The following ZNG1A variants were observed in gnomAD, a reference collection of about 807,000 sequenced individuals.
ZNG1A encodes zinc-regulated GTPase metalloprotein activator 1A.
chr9:172,067 A>T, the ZNG1A span: 9 of 1,610,622 alleles, frequency 5.6e-6, no homozygotes, highest in Admixed American at 1.3e-4. Context: ...GTTATTAATA[A>T]TCTCACTTCT....
chr9:177,080 C>G, the ZNG1A span, among the ~76,000 whole-genome samples: 2 of 152,160 alleles, frequency 1.3e-5, no homozygotes, highest in Non-Finnish European at 2.9e-5. Context: ...AGAGGGACAT[C>G]TAGCCAGAGG....
At chr9:155,870 C>T in the ZNG1A span, among the ~76,000 whole-genome samples, 2 of 149,172 alleles carry the variant, frequency 1.3e-5, no homozygotes, top group Non-Finnish European at 3.0e-5. Flanking sequence ...TTTGGGAGGC[C>T]GAGGCGGGTG....
chr9:145,604 C>T, the ZNG1A span, among the ~76,000 whole-genome samples: 10 of 149,318 alleles, frequency 6.7e-5, no homozygotes, highest in African/African-American at 9.9e-5. Context: ...TGCTAGATGA[C>T]GAGTCAGTGG....
the ZNG1A span, among the ~76,000 whole-genome samples, chr9:139,437 G>C: frequency 7.3e-5 from 11 of 149,690 alleles, no homozygotes; most frequent in African/African-American, 2.8e-4. Flanking sequence ...CCAGAGATCT[G>C]CTGCACATCC....
the ZNG1A span, among the ~76,000 whole-genome samples, chr9:141,474 T>C: frequency 6.7e-6 from 1 of 149,692 alleles, no homozygotes; most frequent in Non-Finnish European, 1.5e-5. Context: ...TAAAATACTT[T>C]ACAGACAAGC....
chr9:150,125 T>TTTTG, the ZNG1A span: 2 of 120,132 alleles, frequency 1.7e-5, no homozygotes, highest in African/African-American at 6.5e-5. Flanking sequence ...GGTTTTGTTT[T>TTTTG]TTTTTTTTTT....
the ZNG1A span, chr9:153,961 C>A: frequency 6.6e-6 from 1 of 152,154 alleles, no homozygotes; most frequent in Non-Finnish European, 1.5e-5. Flanking sequence ...TCAGGTCTTA[C>A]AAAATAATTC....
the ZNG1A span, among the ~76,000 whole-genome samples, chr9:156,135 AATT>A: frequency 1.4e-5 from 2 of 138,030 alleles, no homozygotes; most frequent in Non-Finnish European, 3.1e-5. Flanking sequence ...AAAAAATAAT[AATT>A]ATTATTATTA....
the ZNG1A span, chr9:177,615 T>C: frequency 1.1e-5 from 16 of 1,520,408 alleles, no homozygotes; most frequent in East Asian, 1.2e-4. Context: ...AAAGGGAAAA[T>C]GGTCAGGGAT....
At chr9:120,838 C>A in the ZNG1A span, among the ~76,000 whole-genome samples, 5 of 152,202 alleles carry the variant, frequency 3.3e-5, no homozygotes, top group African/African-American at 1.2e-4. Flanking sequence ...GGACAACTGT[C>A]CTTTGCAGAA....
the ZNG1A span, chr9:147,657 T>A: frequency 6.7e-6 from 1 of 149,018 alleles, no homozygotes; most frequent in Non-Finnish European, 1.5e-5. Context: ...AATTTCTGAG[T>A]ATCAGTTTAC....
the ZNG1A span, among the ~76,000 whole-genome samples, chr9:155,055 T>A: frequency 6.6e-6 from 1 of 151,858 alleles, no homozygotes; most frequent in East Asian, 1.9e-4. Flanking sequence ...AAGTATTTAC[T>A]AAGTTCTGTT....
At chr9:178,566 A>G in the ZNG1A span, among the ~76,000 whole-genome samples, 1 of 110,654 alleles carries the variant, frequency 9.0e-6, no homozygotes, top group African/African-American at 2.7e-5. Flanking sequence ...TCTTAGCGTC[A>G]AAGCCTTGCT....
At chr9:149,036 C>T in the ZNG1A span, 64 of 149,698 alleles carry the variant, frequency 4.3e-4, 2 homozygotes, top group African/African-American at 1.6e-3. Flanking sequence ...CAGTCTTGAA[C>T]TCTGGAAATA....
chr9:123,962 A>C, the ZNG1A span, among the ~76,000 whole-genome samples: 1 of 152,158 alleles, frequency 6.6e-6, no homozygotes. Context: ...CTCAAAACCA[A>C]AGTAAATCTG....
chr9:150,447 GGTAAGCTCAAGTT>G, the ZNG1A span: 2 of 980,294 alleles, frequency 2.0e-6, no homozygotes, highest in African/African-American at 3.6e-5. Flanking sequence ...TTTCTAAACT[GGTAAGCTCAAGTT>G]GCTATGCCTC....
the ZNG1A span, among the ~76,000 whole-genome samples, chr9:137,635 T>C: frequency 6.7e-6 from 1 of 149,940 alleles, no homozygotes; most frequent in Non-Finnish European, 1.5e-5. Flanking sequence ...GCTAGACTTC[T>C]GGTTATTTCA....
At chr9:172,416 C>G in the ZNG1A span, 3 of 394,564 alleles carry the variant, frequency 7.6e-6, no homozygotes, top group Non-Finnish European at 9.2e-6. Flanking sequence ...AAATTAAAAG[C>G]AGAGGAAACT....
chr9:157,677 C>T, the ZNG1A span, among the ~76,000 whole-genome samples: 1 of 134,158 alleles, frequency 7.5e-6, no homozygotes, highest in African/African-American at 3.0e-5. Context: ...AACACACACC[C>T]ATCAAGTAAA....
Sources: gnomAD v4.1 joint callset for allele counts (sites outside exome capture counted in the v4.1 genomes callset) on GRCh38, gnomAD v4.1.1 for gene constraint, MANE v1.5 for transcripts, NCBI Gene and HGNC (gene_info 2026-07-23, HGNC 2026-07-21) for gene names.